Variants in GLP2R observed in about 807,000 individuals in gnomAD.
GLP2R encodes the protein glucagon-like peptide 2 receptor.
GLP2R carries 59 observed loss-of-function variants against 68.2 expected under a neutral mutation model. That is an observed-to-expected ratio of 0.87 (90% CI 0.70 to 1.07). The LOEUF is 1.07. GLP2R is among the 50% of genes least tolerant of loss of function. The probability of loss-of-function intolerance (pLI) is 0.00; values close to 1 mark genes in which losing one functional copy is unlikely to be tolerated. For synonymous variants in GLP2R, 270 were observed against 265.4 expected, an observed-to-expected ratio of 1.02 and a Z score of -0.17; for missense variants, 548 against 677.4, an observed-to-expected ratio of 0.81 and a Z score of 2.12.
chr17:9,879,452 G>A (rs995010670), intron 10 of GLP2R, among the ~76,000 whole-genome samples: 3 of 152,144 alleles, frequency 2.0e-5, no homozygotes, highest in Middle Eastern at 3.4e-3. Context: ...AGCTAGAATC[G>A]TGCTACTGTA....
intron 5 of GLP2R, among the ~76,000 whole-genome samples, chr17:9,856,621 G>T (rs963325723): frequency 6.6e-6 from 1 of 152,086 alleles, no homozygotes; most frequent in African/African-American, 2.4e-5. Context: ...ACAGATTAAC[G>T]GATTTAATCA....
At chr17:9,844,689 TTTTTTTTTTTTTTTTTTG>T (rs2066821059) in intron 4 of GLP2R, among the ~76,000 whole-genome samples, 2 of 100,952 alleles carry the variant, frequency 2.0e-5, no homozygotes, top group African/African-American at 8.3e-5. Context: ...TTTTTTTTTT[TTTTTTTTTTTTTTTTTTG>T]TGAGGCAGAG....
rs576413784 is a variant in GLP2R at position 9,832,911 on chromosome 17, G to C, written c.190-896G>C. On this transcript the variant is annotated intron_variant, in intron 1 of 12. Coordinates refer to ENST00000262441, the MANE Select transcript of GLP2R (RefSeq NM_004246.3). ...AAAACTCCCAACTCCTCAGTAGCTT[G>C]ATGAAGTCTCTCAGACACTTCTCTT... 3.9e-5 allele frequency among the ~76,000 whole-genome samples: 6 copies of C among 152,228 alleles called. No individual in the cohort carries two copies. The South Asian group carries it at 1.2e-3, about 32-fold the overall frequency.
intron 1 of GLP2R, among the ~76,000 whole-genome samples, chr17:9,831,163 A>C (rs980521050): frequency 9.9e-5 from 15 of 152,178 alleles, no homozygotes; most frequent in African/African-American, 3.6e-4. Flanking sequence ...GATAACCTTA[A>C]ATCTACCTGG....
At chr17:9,875,700 G>A (rs901968947) in intron 10 of GLP2R, among the ~76,000 whole-genome samples, 1 of 152,164 alleles carries the variant, frequency 6.6e-6, no homozygotes, top group Non-Finnish European at 1.5e-5. Context: ...AACAGGGTAA[G>A]CAATGCCCTA....
At chr17:9,873,978 T>C (rs1426081802) in intron 10 of GLP2R, among the ~76,000 whole-genome samples, 2 of 152,198 alleles carry the variant, frequency 1.3e-5, no homozygotes, top group Admixed American at 6.5e-5. Context: ...CACACATCTC[T>C]GTCAGTAAAG....
At chr17:9,879,469 CA>C (rs553894553) in intron 10 of GLP2R, among the ~76,000 whole-genome samples, 21 of 152,036 alleles carry the variant, frequency 1.4e-4, no homozygotes, top group Non-Finnish European at 2.5e-4. Flanking sequence ...TGTACTCCAG[CA>C]TGGGTGACAG....
chr17:9,836,227 G>C (rs765152097), intron 2 of GLP2R, 144 bp from the exon 3 acceptor site: 5 of 629,486 alleles, frequency 7.9e-6, no homozygotes, highest in East Asian at 2.7e-5. Context: ...CTCATCTAGA[G>C]AGTGGGGCAC....
In GLP2R at chr17:9,889,984, C is replaced by T. The variant is rs2067277734; in HGVS notation, c.*279C>T. The T allele has an allele frequency of 3.8e-6, 2 of 531,016 alleles. No homozygotes were observed. The highest frequency in any genetic ancestry group is 7.2e-6 in the Non-Finnish European group (2 of 276,034). The allele number at this position is 531,016 out of a possible 1,614,324, so 32.9% of individuals were successfully genotyped here. A position where few individuals can be genotyped will look rare whatever the true frequency, so the allele number is the denominator to read the frequency against. ...CCTAGGGCCTGGCTCTAAATTCAAG[C>T]CAATGAAGTCCCACCATGAAGAGAG... On this transcript the variant is annotated 3_prime_UTR_variant, in exon 13 of 13. Transcript: ENST00000262441.
chr17:9,854,646 C>A, intron 5 of GLP2R, 45 bp downstream of exon 5: 1 of 1,073,026 alleles, frequency 9.3e-7, no homozygotes, highest in Non-Finnish European at 1.5e-6. Flanking sequence ...GGTATAGTAG[C>A]CCTCCTTCAT....
At chr17:9,827,022 C>A (rs1007991860) in intron 1 of GLP2R, among the ~76,000 whole-genome samples, 1 of 152,104 alleles carries the variant, frequency 6.6e-6, no homozygotes, top group Non-Finnish European at 1.5e-5. Flanking sequence ...CAGGTACGTG[C>A]CACCACCCGG....
At chr17:9,848,621 C>T (rs1375330189) in intron 4 of GLP2R, among the ~76,000 whole-genome samples, 2 of 152,086 alleles carry the variant, frequency 1.3e-5, no homozygotes, top group African/African-American at 4.8e-5. Flanking sequence ...AAAGTGAGGA[C>T]AAGAGCATTG....
intron 10 of GLP2R, among the ~76,000 whole-genome samples, chr17:9,873,556 C>CTTTTTTTTTTTTTT (rs3073988): frequency 3.8e-5 from 2 of 52,076 alleles, no homozygotes; most frequent in African/African-American, 1.7e-4. Context: ...TATGCATGGA[C>CTTTTTTTTTTTTTT]TTTTTTTTTT....
chr17:9,836,823 G>GTTA (rs58592727), intron 3 of GLP2R, among the ~76,000 whole-genome samples: 3,278 of 150,352 alleles, frequency 0.022, 71 homozygotes, highest in East Asian at 0.057. Context: ...GGACGATCAA[G>GTTA]TTATTATTAT....
At chr17:9,877,303 A>G (rs1415436984) in intron 10 of GLP2R, among the ~76,000 whole-genome samples, 1 of 152,214 alleles carries the variant, frequency 6.6e-6, no homozygotes, top group Non-Finnish European at 1.5e-5. Context: ...CTATTTATGG[A>G]TTTTCATCTG....
In GLP2R at chr17:9,880,448, G is replaced by A; in HGVS notation, c.1216G>A (p.Asp406Asn). Residue 406 changes from aspartate (D) to asparagine (N), a missense_variant, in exon 11 of 13, where the codon GAT (aspartate) becomes AAT (asparagine). Asp to Asn is a conservative substitution (Grantham distance 23). Coordinates refer to ENST00000262441, the MANE Select transcript of GLP2R (RefSeq NM_004246.3). Reference protein sequence around the residue: ...VHEILFSFITDDQVEGFAKLI... With the variant: ...VHEILFSFITNDQVEGFAKLI... Reference sequence around the variant, plus strand: ...TGAGATCCTCTTCTCTTTCATCACTGATGATCAAGTTGAAGGATTTGCAAA... The same window carrying A: ...TGAGATCCTCTTCTCTTTCATCACTAATGATCAAGTTGAAGGATTTGCAAA... The A allele has an allele frequency of 6.2e-7, 1 of 1,600,194 alleles. No individual in the cohort carries two copies. The highest frequency in any genetic ancestry group is 8.6e-7 in the Non-Finnish European group (1 of 1,168,956).
chr17:9,875,934 A>G (rs991029957), intron 10 of GLP2R, among the ~76,000 whole-genome samples: 1 of 152,158 alleles, frequency 6.6e-6, no homozygotes, highest in African/African-American at 2.4e-5. Flanking sequence ...CTGGAATGCA[A>G]TGGCACGATC....
In GLP2R at chr17:9,863,256, A is replaced by G. The variant is rs1011070880; in HGVS notation, c.1056+1166A>G. Among the ~76,000 whole-genome samples the G allele has an allele frequency of 2.0e-5, 3 of 152,176 alleles. No homozygotes were observed. The East Asian group carries it at 5.8e-4, about 29-fold the overall frequency. Reference sequence around the variant, plus strand: ...GGGTCCTGTCTGGACAATTCCACCAACGTCCCAGAAACATTTATTAAGCAC... The same window carrying G: ...GGGTCCTGTCTGGACAATTCCACCAGCGTCCCAGAAACATTTATTAAGCAC... On this transcript the variant is annotated intron_variant, in intron 9 of 12. Transcript: ENST00000262441.
chr17:9,865,207 G>A (rs1038487810), intron 9 of GLP2R, among the ~76,000 whole-genome samples: 4 of 151,568 alleles, frequency 2.6e-5, no homozygotes, highest in Non-Finnish European at 4.4e-5. Context: ...TCCCTGCAAC[G>A]TCTATTCAGA....
Sources: allele counts gnomAD v4.1 joint callset (sites outside exome capture counted in the v4.1 genomes callset), GRCh38; gene constraint gnomAD v4.1.1; transcripts MANE v1.5; gene names NCBI Gene and HGNC (gene_info 2026-07-23, HGNC 2026-07-21).